Variants in GSE1 observed in about 807,000 individuals in gnomAD.
GSE1 encodes Gse1 coiled-coil protein.
In GSE1, 32 loss-of-function variants were observed where a neutral mutation model predicts 112.6. The ratio of observed to expected loss-of-function variants is 0.28; its 90% CI spans 0.21 to 0.38. The LOEUF (loss-of-function observed/expected upper bound fraction) is 0.38, where lower values mean the gene tolerates loss of function less well. GSE1 is among the 10% of genes least tolerant of loss of function. The pLI is 1.00. For synonymous variants in GSE1, 1,115 were observed against 735.6 expected (o/e 1.52, Z -8.35); for missense variants, 2,348 against 1,699.2 (o/e 1.38, Z -6.71).
At chr16:85,519,570 C>CCTTCACCACCATCACCACCAT (rs1567555886) in intron 2 of GSE1, among the ~76,000 whole-genome samples, 6 of 34,756 alleles carry the variant, frequency 1.7e-4, no homozygotes, top group Admixed American at 2.8e-4. Flanking sequence ...ATCATCATCA[C>CCTTCACCACCATCACCACCAT]CATCACCAGT....
intron 1 of GSE1, among the ~76,000 whole-genome samples, chr16:85,279,797 T>C (rs74031771): frequency 0.069 from 10,457 of 152,168 alleles, 1,150 homozygotes; most frequent in African/African-American, 0.24. Context: ...ACTTGAATTC[T>C]CAGGACTGTC....
chr16:85,614,493 A>C (rs1044954109), intron 1 of GSE1, among the ~76,000 whole-genome samples: 1 of 152,014 alleles, frequency 6.6e-6, no homozygotes, highest in Non-Finnish European at 1.5e-5. Context: ...CTCGAGGCGC[A>C]GGCCATAGGG....
chr16:85,376,160 C>G (rs2047415999), intron 2 of GSE1, among the ~76,000 whole-genome samples: 1 of 152,202 alleles, frequency 6.6e-6, no homozygotes, highest in African/African-American at 2.4e-5. Flanking sequence ...CCAGCCCAAA[C>G]AAGCTCTGCA....
intron 2 of GSE1, among the ~76,000 whole-genome samples, chr16:85,547,652 G>C (rs933712200): frequency 6.6e-6 from 1 of 152,036 alleles, no homozygotes; most frequent in Non-Finnish European, 1.5e-5. Context: ...AGGCCGGGGA[G>C]GGTGTATCAC....
chr16:85,623,957 A>C (rs1567669357), intron 1 of GSE1, among the ~76,000 whole-genome samples: 1 of 152,244 alleles, frequency 6.6e-6, no homozygotes. Flanking sequence ...CACTCGGTAC[A>C]GAAGGGACAG....
intron 2 of GSE1, among the ~76,000 whole-genome samples, chr16:85,500,952 C>A (rs919963668): frequency 1.3e-5 from 2 of 150,264 alleles, no homozygotes; most frequent in Non-Finnish European, 2.9e-5. Flanking sequence ...CTAGAGACTC[C>A]AGTCTTGGGA....
At chr16:85,357,621 C>T (rs771669796) in exon 2 of GSE1, 68 of 1,288,836 alleles carry the variant, frequency 5.3e-5, no homozygotes, top group East Asian at 1.1e-4. Context: ...GGGAGGAGGA[C>T]GGACCAGACC....
chr16:85,579,778 A>G (rs2046374206), intron 1 of GSE1, among the ~76,000 whole-genome samples: 1 of 152,162 alleles, frequency 6.6e-6, no homozygotes, highest in African/African-American at 2.4e-5. Flanking sequence ...ACCAAGTCTT[A>G]GGTTAGAACT....
intron 2 of GSE1, among the ~76,000 whole-genome samples, chr16:85,511,208 C>G (rs1040326605): frequency 2.0e-4 from 31 of 152,326 alleles, no homozygotes; most frequent in African/African-American, 7.0e-4. Context: ...TTTTCCCTTT[C>G]TATGTGTGGT....
intron 2 of GSE1, among the ~76,000 whole-genome samples, chr16:85,393,852 C>T (rs1191158017): frequency 7.9e-5 from 12 of 151,752 alleles, no homozygotes; most frequent in Admixed American, 5.2e-4. Context: ...CCACCACGGG[C>T]AGGTGGGCCT....
chr16:85,647,161 G>A (rs74034010), intron 2 of GSE1, among the ~76,000 whole-genome samples: 4 of 152,188 alleles, frequency 2.6e-5, no homozygotes, highest in Non-Finnish European at 4.4e-5. Flanking sequence ...CAGATGGGCC[G>A]GGGCGGCCCT....
intron 1 of GSE1, among the ~76,000 whole-genome samples, chr16:85,606,375 A>G (rs955287841): frequency 1.2e-4 from 19 of 152,288 alleles, no homozygotes; most frequent in African/African-American, 4.6e-4. Context: ...GAGCTCCACA[A>G]CCTCATCCGT....
chr16:85,412,736 G>C (rs996237023), intron 2 of GSE1, among the ~76,000 whole-genome samples: 1 of 151,896 alleles, frequency 6.6e-6, no homozygotes, highest in Non-Finnish European at 1.5e-5. Flanking sequence ...AGGCCCCCCG[G>C]ATAATCCTCA....
chr16:85,370,633 CTCCCTCCCTCCT>C (rs1382381266), intron 2 of GSE1, among the ~76,000 whole-genome samples: 2 of 150,724 alleles, frequency 1.3e-5, no homozygotes, highest in Non-Finnish European at 3.0e-5. Flanking sequence ...CCCTCCTTCT[CTCCCTCCCTCCT>C]TCTCTCCCTC....
At chr16:85,476,925 C>CT (rs55732128) in intron 2 of GSE1, among the ~76,000 whole-genome samples, 57,148 of 117,796 alleles carry the variant, frequency 0.49, 14,709 homozygotes, top group Non-Finnish European at 0.53. Context: ...GTATGTGGTT[C>CT]TTTTTTTTTT....
intron 3 of GSE1, among the ~76,000 whole-genome samples, chr16:85,649,024 A>G (rs2051115440): frequency 6.6e-6 from 1 of 152,082 alleles, no homozygotes; most frequent in Admixed American, 6.5e-5. Flanking sequence ...TCTGGAGGCC[A>G]CAAGTTCACA....
intron 1 of GSE1, among the ~76,000 whole-genome samples, chr16:85,221,580 G>A (rs1437220803): frequency 5.3e-5 from 8 of 152,172 alleles, no homozygotes; most frequent in South Asian, 4.1e-4. Context: ...GGCACCACCC[G>A]TCCAGCCCCA....
chr16:85,303,264 T>A (rs1042485861), intron 1 of GSE1, among the ~76,000 whole-genome samples: 1 of 152,202 alleles, frequency 6.6e-6, no homozygotes, highest in African/African-American at 2.4e-5. Flanking sequence ...CTGGTTGGGT[T>A]CCTATCTGGG....
chr16:85,323,439 A>C (rs2046158339), intron 1 of GSE1, among the ~76,000 whole-genome samples: 1 of 151,982 alleles, frequency 6.6e-6, no homozygotes, highest in Non-Finnish European at 1.5e-5. Flanking sequence ...TGCCAAGGTG[A>C]GCTGAATTCT....
Sources: allele counts gnomAD v4.1 joint callset (sites outside exome capture counted in the v4.1 genomes callset), GRCh38; gene constraint gnomAD v4.1.1; transcripts MANE v1.5; gene names NCBI Gene and HGNC (gene_info 2026-07-23, HGNC 2026-07-21).